The following RAB38 variants were observed in gnomAD, a reference collection of about 807,000 sequenced individuals.
The protein encoded by RAB38 is RAB38, member RAS oncogene family, also known as ras-related protein Rab-38.
A neutral mutation model predicts 18.4 loss-of-function variants in RAB38; 15 were observed. That is an observed-to-expected ratio of 0.82 (90% CI 0.55 to 1.26). The LOEUF (loss-of-function observed/expected upper bound fraction) is 1.26. Among genes scored for constraint, RAB38 ranks in the 50% most tolerant of loss-of-function variants. RAB38 has a pLI of 0.00. For synonymous variants in RAB38, 101 were observed against 104.4 expected, an observed-to-expected ratio of 0.97 and a Z score of 0.20; for missense variants, 294 against 267.4, an observed-to-expected ratio of 1.10 and a Z score of -0.69.
At chr11:88,006,586 A>ACG in the RAB38 span, among the ~76,000 whole-genome samples, 2 of 138,132 alleles carry the variant, frequency 1.4e-5, no homozygotes, top group Non-Finnish European at 3.2e-5. Flanking sequence ...CATTATATAT[A>ACG]TGTATATAAT....
chr11:87,967,591 C>A, the RAB38 span, among the ~76,000 whole-genome samples: 1 of 152,130 alleles, frequency 6.6e-6, no homozygotes, highest in Non-Finnish European at 1.5e-5. Flanking sequence ...ATTAAGAGAA[C>A]AAAAAGCTGG....
At chr11:87,902,149 A>C in the RAB38 span, among the ~76,000 whole-genome samples, 1 of 151,556 alleles carries the variant, frequency 6.6e-6, no homozygotes, top group African/African-American at 2.4e-5. Context: ...AAAAGAGCTC[A>C]TACGGCTAGT....
At chr11:87,977,435 TTA>T in the RAB38 span, among the ~76,000 whole-genome samples, 3 of 97,112 alleles carry the variant, frequency 3.1e-5, no homozygotes, top group Non-Finnish European at 5.6e-5. Context: ...TATAAAACAA[TTA>T]TATATAATTA....
the RAB38 span, among the ~76,000 whole-genome samples, chr11:88,006,184 A>G: frequency 6.6e-6 from 1 of 151,590 alleles, no homozygotes; most frequent in African/African-American, 2.4e-5. Context: ...AAAATGCTTG[A>G]CTTTATTAAT....
chr11:87,806,959 A>C, the RAB38 span, among the ~76,000 whole-genome samples: 16,496 of 152,216 alleles, frequency 0.11, 1,498 homozygotes, highest in African/African-American at 0.23. Flanking sequence ...ATAGCCTGTT[A>C]GGAACCAGGC....
the RAB38 span, among the ~76,000 whole-genome samples, chr11:87,956,771 A>T: frequency 6.6e-6 from 1 of 152,012 alleles, no homozygotes; most frequent in Admixed American, 6.6e-5. Context: ...AAGTCATAAG[A>T]CCCGCATTCC....
At chr11:88,133,875 T>C (rs917673006) in intron 2 of RAB38, among the ~76,000 whole-genome samples, 1 of 152,232 alleles carries the variant, frequency 6.6e-6, no homozygotes, top group Non-Finnish European at 1.5e-5. Context: ...CTTAGCTATT[T>C]TGAAATACAC....
chr11:88,076,681 A>G, the RAB38 span, among the ~76,000 whole-genome samples: 1 of 152,018 alleles, frequency 6.6e-6, no homozygotes, highest in Non-Finnish European at 1.5e-5. Context: ...GGCTGGGTGC[A>G]GTGGCTCACG....
the RAB38 span, among the ~76,000 whole-genome samples, chr11:87,973,419 G>A: frequency 2.0e-5 from 3 of 151,920 alleles, no homozygotes; most frequent in African/African-American, 4.8e-5. Flanking sequence ...TTCAAGAATC[G>A]GACCATAGGC....
the RAB38 span, among the ~76,000 whole-genome samples, chr11:88,048,339 G>T: frequency 6.6e-6 from 1 of 152,040 alleles, no homozygotes; most frequent in African/African-American, 2.4e-5. Context: ...TCCTATAACA[G>T]ACTGGCCTTT....
chr11:87,836,891 C>G, the RAB38 span, among the ~76,000 whole-genome samples: 2 of 152,160 alleles, frequency 1.3e-5, no homozygotes, highest in African/African-American at 2.4e-5. Context: ...TTGTCACCCA[C>G]TCTTTCTTCC....
the RAB38 span, among the ~76,000 whole-genome samples, chr11:87,961,069 G>A: frequency 3.9e-5 from 6 of 152,174 alleles, no homozygotes; most frequent in African/African-American, 1.4e-4. Context: ...CTCTTTTCAT[G>A]CTGTGCCTAT....
At chr11:87,938,636 T>TG in the RAB38 span, among the ~76,000 whole-genome samples, 21 of 128,618 alleles carry the variant, frequency 1.6e-4, no homozygotes, top group East Asian at 7.1e-4. Context: ...TTTTTTTGAT[T>TG]TTGTTGTTGT....
At position 88,114,113 on chromosome 11, in the gene RAB38, T is replaced by C. The variant is rs772954708; in HGVS notation, c.511A>G (p.Arg171Gly). 8.2e-5 allele frequency: 132 copies of C among 1,614,198 alleles called. No homozygotes were observed. The highest frequency in any genetic ancestry group is 1.1e-4 in the Non-Finnish European group (129 of 1,180,014). ...GCAAGTATGTGTTTCACCAGGCATC[T>C]GGAGGCTTCATCAATGTTTATATTT... ...KENINIDEAS[R>G]CLVKHILANE... The change falls in exon 3 of 3, where the codon AGA becomes GGA. Residue 171 changes from arginine (R) to glycine (G), a missense_variant. By Grantham distance (125) the Arg-to-Gly change is moderately radical. Coordinates refer to ENST00000243662, the MANE Select transcript of RAB38 (RefSeq NM_022337.3).
chr11:87,937,870 GTTTTT>G, the RAB38 span, among the ~76,000 whole-genome samples: 10,294 of 91,934 alleles, frequency 0.11, 324 homozygotes, highest in African/African-American at 0.15. Context: ...TCATTGAAGT[GTTTTT>G]TTTTTTTTTT....
At chr11:87,975,186 C>T in the RAB38 span, among the ~76,000 whole-genome samples, 18 of 151,860 alleles carry the variant, frequency 1.2e-4, no homozygotes, top group Non-Finnish European at 7.4e-5. Context: ...ATTTGGGGCT[C>T]ATCTTAAATC....
the RAB38 span, among the ~76,000 whole-genome samples, chr11:87,966,601 CTAAAAT>C: frequency 6.6e-6 from 1 of 152,128 alleles, no homozygotes; most frequent in Non-Finnish European, 1.5e-5. Context: ...ATCAATAATG[CTAAAAT>C]TAACCTCATT....
the RAB38 span, among the ~76,000 whole-genome samples, chr11:87,838,389 T>C: frequency 6.6e-6 from 1 of 152,182 alleles, no homozygotes; most frequent in African/African-American, 2.4e-5. Flanking sequence ...GCTGGGATTA[T>C]AGGCGTGAGT....
chr11:88,110,310 G>T (rs1245393048), downstream of RAB38, among the ~76,000 whole-genome samples: 1 of 152,018 alleles, frequency 6.6e-6, no homozygotes, highest in Non-Finnish European at 1.5e-5. Flanking sequence ...CTCATAAGTG[G>T]GAGTTGAACA....
Sources: gnomAD v4.1 joint callset for allele counts (sites outside exome capture counted in the v4.1 genomes callset) on GRCh38, gnomAD v4.1.1 for gene constraint, MANE v1.5 for transcripts, NCBI Gene and HGNC (gene_info 2026-07-23, HGNC 2026-07-21) for gene names.